DARS2: variants seen among roughly 807,000 people sequenced by gnomAD.
DARS2 encodes the protein aspartyl-tRNA synthetase 2, mitochondrial.
Under a neutral mutation model 83.0 loss-of-function variants are expected in DARS2, and 63 were observed. The ratio of observed to expected loss-of-function variants is 0.76; its 90% CI spans 0.62 to 0.94. The LOEUF (loss-of-function observed/expected upper bound fraction) is 0.94. DARS2 is among the 40% of genes least tolerant of loss of function. DARS2 has a pLI of 0.00. For missense variants in DARS2, 675 were observed against 774.4 expected, an observed-to-expected ratio of 0.87 and a Z score of 1.52; for synonymous variants, 250 against 269.3, an observed-to-expected ratio of 0.93 and a Z score of 0.70.
At chr1:173,837,998 C>T (rs998863495) in intron 8 of DARS2, among the ~76,000 whole-genome samples, 192 bp from the exon 9 acceptor site, 1 of 152,168 alleles carries the variant, frequency 6.6e-6, no homozygotes, top group Non-Finnish European at 1.5e-5. Context: ...TGGTCTTGAA[C>T]GCCTGACCTC....
At chr1:173,832,237 C>G (rs1652818789) in intron 5 of DARS2, among the ~76,000 whole-genome samples, 1 of 152,080 alleles carries the variant, frequency 6.6e-6, no homozygotes, top group Non-Finnish European at 1.5e-5. Flanking sequence ...AAGTTCATGG[C>G]CAATTAGTCT....
At chr1:173,839,346 C>T (rs779180273) in intron 9 of DARS2, 21 bp from the exon 10 acceptor site, 1 of 1,612,380 alleles carries the variant, frequency 6.2e-7, no homozygotes, top group Non-Finnish European at 8.5e-7. Context: ...AATTAGTTTC[C>T]ATATGGTACT....
In DARS2 at chr1:173,850,357, A is replaced by G; in HGVS notation, c.1222A>G (p.Arg408Gly). 1 of 1,613,556 alleles carries G rather than the reference A, an allele frequency of 6.2e-7. No individual in the cohort carries two copies. The highest frequency in any genetic ancestry group is 8.5e-7 in the Non-Finnish European group (1 of 1,179,828). Residue 408 changes from arginine (R) to glycine (G), a missense_variant, in exon 13 of 17, where the codon AGA becomes GGA. Physicochemically the swap from Arg to Gly is moderately radical, Grantham distance 125 (BLOSUM62 -2). Transcript: ENST00000649689. ...CTTACCTGTATTCCTTAACGCCAAT[A>G]GAAACTGGAATTCTCCAGTTGCTAA... ...EILPVFLNANRNWNSPVANFI... is the reference protein window; with the variant it reads ...EILPVFLNANGNWNSPVANFI...
At chr1:173,827,772 T>G (rs1227738317) in intron 2 of DARS2, among the ~76,000 whole-genome samples, 4 of 152,220 alleles carry the variant, frequency 2.6e-5, no homozygotes, top group African/African-American at 9.6e-5. Context: ...GGTTGGATGT[T>G]AAAATGTTGG....
intron 13 of DARS2, chr1:173,852,102 G>A (rs1653692001): frequency 1.6e-5 from 16 of 985,348 alleles, no homozygotes; most frequent in South Asian, 4.7e-5. Flanking sequence ...CCAGACTTTC[G>A]AGGAATAACA....
At chr1:173,827,973 A>T (rs1260047489) in intron 2 of DARS2, among the ~76,000 whole-genome samples, 3 of 152,320 alleles carry the variant, frequency 2.0e-5, no homozygotes, top group African/African-American at 7.2e-5. Context: ...TCCAAATTTA[A>T]TAAAATTTTC....
chr1:173,826,599 T>C, intron 1 of DARS2, 88 bp from the exon 2 acceptor site: 2 of 914,526 alleles, frequency 2.2e-6, no homozygotes, highest in East Asian at 2.6e-5. Context: ...CTAAGATATA[T>C]TTTGAGAATT....
rs757865274 is a variant in DARS2, at chr1:173,836,923, T to C, written c.664-17T>C. 2 of 1,603,678 alleles carry C rather than the reference T, an allele frequency of 1.2e-6. No individual in the cohort carries two copies. Among genetic ancestry groups the C allele is most frequent in the South Asian group, 2.2e-5 (2 of 90,838 alleles). ...TTTTAATAATCTGTCTTCTCTCTCT[T>C]TCTCTCTCTTTGAAAGGGTGCCAAA... On this transcript the variant is annotated splice_polypyrimidine_tract_variant and intron_variant, in intron 7 of 16. Coordinates refer to ENST00000649689, the MANE Select transcript of DARS2 (RefSeq NM_018122.5).
chr1:173,829,229 G>C (rs114884878), intron 3 of DARS2, among the ~76,000 whole-genome samples: 9,050 of 151,678 alleles, frequency 0.06, 951 homozygotes, highest in African/African-American at 0.21. Flanking sequence ...GTGTGTGTGT[G>C]TATTTGCTTG....
chr1:173,831,978 G>A (rs934052660), intron 5 of DARS2, among the ~76,000 whole-genome samples: 2 of 152,166 alleles, frequency 1.3e-5, no homozygotes, highest in African/African-American at 4.8e-5. Flanking sequence ...GGCCAGATGG[G>A]ACAGGGGATC....
At chr1:173,829,291 T>C (rs1652704261) in intron 3 of DARS2, among the ~76,000 whole-genome samples, 1 of 151,920 alleles carries the variant, frequency 6.6e-6, no homozygotes, top group African/African-American at 2.4e-5. Flanking sequence ...CTGGTAACAT[T>C]AGGTGCTGCT....
At chr1:173,833,625 T>C in intron 6 of DARS2, 126 bp downstream of exon 6, 1 of 1,108,608 alleles carries the variant, frequency 9.0e-7, no homozygotes, top group Non-Finnish European at 1.3e-6. Flanking sequence ...ATTCACTCAA[T>C]GTGTAATGTA....
At chr1:173,850,204 G>C (rs1186678147) in intron 12 of DARS2, 123 bp from the exon 13 acceptor site, 2 of 1,139,520 alleles carry the variant, frequency 1.8e-6, no homozygotes, top group Admixed American at 2.8e-5. Flanking sequence ...GGAGATAATA[G>C]AGACAATCTC....
intron 12 of DARS2, among the ~76,000 whole-genome samples, chr1:173,848,256 G>A (rs1174983192): frequency 6.6e-6 from 1 of 152,114 alleles, no homozygotes; most frequent in Admixed American, 6.6e-5. Context: ...TCCTAAGAAA[G>A]CATGTGAGAG....
intron 13 of DARS2, 40 bp downstream of exon 13, chr1:173,850,519 TG>T (rs1557862425): frequency 1.9e-6 from 3 of 1,603,218 alleles, no homozygotes; most frequent in Non-Finnish European, 2.6e-6. Context: ...CTGTTGATGC[TG>T]AACAATGCCT....
At chr1:173,833,244 C>G in intron 5 of DARS2, 132 bp from the exon 6 acceptor site, 2 of 705,474 alleles carry the variant, frequency 2.8e-6, no homozygotes, top group Non-Finnish European at 4.5e-6. Context: ...GAATTAACAG[C>G]ATACAGTGGG....
In DARS2 at chr1:173,857,684, CA is replaced by C. The variant is rs1167038370; in HGVS notation, c.1920del (p.Ala641GlnfsTer17). 1.9e-6 allele frequency: 3 copies of C among 1,614,052 alleles called. No individual in the cohort carries two copies. Among genetic ancestry groups the C allele is most frequent in the Non-Finnish European group, 2.5e-6 (3 of 1,180,004 alleles). The stretch of plus-strand genomic sequence containing the variant: ...TCCGAGTCTCCAAGCCAACAGACTC[CA>C]AAGCAGAAAGAGCTCATTGAATCAT... ...HIRVSKPTDS[K>X]AERAH is the part of the protein sequence containing the mutation. On this transcript the variant is annotated frameshift_variant, in exon 17 of 17. Coordinates refer to ENST00000649689, the MANE Select transcript of DARS2 (RefSeq NM_018122.5). LOFTEE classifies it high-confidence loss of function.
chr1:173,844,937 GCACC>G, intron 11 of DARS2, among the ~76,000 whole-genome samples: 6 of 150,970 alleles, frequency 4.0e-5, no homozygotes, highest in Admixed American at 4.0e-4. Flanking sequence ...GGGATTTCAG[GCACC>G]TGCCACCATA....
chr1:173,838,327 C>G, intron 9 of DARS2, 68 bp downstream of exon 9: 1 of 1,186,898 alleles, frequency 8.4e-7, no homozygotes, highest in Non-Finnish European at 1.3e-6. Context: ...TTTTCAAGAC[C>G]AGTGCAGTAT....
Sources: allele counts gnomAD v4.1 joint callset (sites outside exome capture counted in the v4.1 genomes callset), GRCh38; gene constraint gnomAD v4.1.1; transcripts MANE v1.5; gene names NCBI Gene and HGNC (gene_info 2026-07-23, HGNC 2026-07-21).